Variants in CNTN4 observed in about 807,000 individuals in gnomAD.
CNTN4 encodes contactin-4.
Under a neutral mutation model 122.5 loss-of-function variants are expected in CNTN4, and 77 were observed. The ratio of observed to expected loss-of-function variants is 0.63; its 90% confidence interval spans 0.52 to 0.76. The LOEUF (loss-of-function observed/expected upper bound fraction) is 0.76, where lower values mean the gene tolerates loss of function less well. CNTN4 is among the 30% of genes least tolerant of loss of function. The probability of loss-of-function intolerance (pLI) is 0.00; values close to 1 mark genes in which losing one functional copy is unlikely to be tolerated. For missense variants in CNTN4, 1,256 were observed against 1,259.1 expected (o/e 1.00, Z 0.04); for synonymous variants, 512 against 447.0 (o/e 1.15, Z -1.83).
At chr3:2,627,729 G>A (rs754733473) in intron 4 of CNTN4, among the ~76,000 whole-genome samples, 67 of 152,082 alleles carry the variant, frequency 4.4e-4, no homozygotes, top group East Asian at 2.7e-3. Context: ...TCCTGACCTT[G>A]TGATCTGCCC....
chr3:2,101,612 G>A (rs1172164910), intron 2 of CNTN4, among the ~76,000 whole-genome samples: 2 of 152,056 alleles, frequency 1.3e-5, no homozygotes, highest in Admixed American at 1.3e-4. Context: ...CCTAGTGAAG[G>A]AGGCAAGGAG....
At chr3:2,286,235 T>TCC (rs2041897558) in intron 2 of CNTN4, among the ~76,000 whole-genome samples, 1 of 7,396 alleles carries the variant, frequency 1.4e-4, no homozygotes, top group Non-Finnish European at 5.4e-4. Context: ...ATACACCCCC[T>TCC]GCCCCCCCCA....
intron 3 of CNTN4, among the ~76,000 whole-genome samples, chr3:2,349,805 T>C (rs2044538575): frequency 6.6e-6 from 1 of 152,128 alleles, no homozygotes. Context: ...AATGGACCTA[T>C]ATAACACATT....
chr3:2,816,637 A>G (rs1187883632), intron 6 of CNTN4, among the ~76,000 whole-genome samples: 1 of 151,384 alleles, frequency 6.6e-6, no homozygotes, highest in South Asian at 2.1e-4. Context: ...CCTGGCCAAC[A>G]TGGTGAAACC....
intron 4 of CNTN4, among the ~76,000 whole-genome samples, chr3:2,628,288 G>A (rs1013357906): frequency 1.3e-5 from 2 of 152,212 alleles, no homozygotes; most frequent in Non-Finnish European, 2.9e-5. Flanking sequence ...AAGCAATTGT[G>A]AGGCAGCCAG....
At chr3:2,703,889 T>C (rs1044358575) in intron 4 of CNTN4, among the ~76,000 whole-genome samples, 1 of 151,954 alleles carries the variant, frequency 6.6e-6, no homozygotes, top group South Asian at 2.1e-4. Flanking sequence ...GATGATAGTG[T>C]AAATATAAAG....
intron 11 of CNTN4, among the ~76,000 whole-genome samples, chr3:2,902,534 A>G (rs1047764221): frequency 3.3e-5 from 5 of 152,056 alleles, no homozygotes; most frequent in Non-Finnish European, 7.4e-5. Context: ...AAACCCCCTA[A>G]CTCTGGTCAG....
In CNTN4 at chr3:2,229,910, G is replaced by A. The variant is rs561113659; in HGVS notation, c.-144-109268G>A. ...CACCTTTTCCACTATGCTGTGTTGT[G>A]TAGCGTACTCCAAATGTTTGATGAG... On this transcript the variant is annotated intron_variant, in intron 2 of 24. Coordinates refer to ENST00000418658, the MANE Select transcript of CNTN4 (RefSeq NM_175607.3). Among the ~76,000 whole-genome samples, 4 of 152,290 alleles carry A rather than the reference G, an allele frequency of 2.6e-5. No homozygotes were observed. In the East Asian group the frequency reaches 5.8e-4, roughly 22 times the overall value.
At chr3:2,756,322 G>A (rs1270270465) in intron 6 of CNTN4, among the ~76,000 whole-genome samples, 1 of 152,162 alleles carries the variant, frequency 6.6e-6, no homozygotes, top group East Asian at 1.9e-4. Flanking sequence ...CCTTGTAAAT[G>A]GGATCAGTGC....
chr3:2,891,920 C>T (rs2094045926), intron 10 of CNTN4, among the ~76,000 whole-genome samples: 1 of 152,156 alleles, frequency 6.6e-6, no homozygotes, highest in Non-Finnish European at 1.5e-5. Context: ...AAAAGCCGGA[C>T]CATTGCCAAT....
At chr3:3,026,513 G>A (rs1310427612) in intron 15 of CNTN4, among the ~76,000 whole-genome samples, 1 of 152,084 alleles carries the variant, frequency 6.6e-6, no homozygotes, top group Admixed American at 6.6e-5. Flanking sequence ...TCCTGTGTAT[G>A]GATTAGAAAC....
At chr3:2,487,171 C>G (rs2076186538) in intron 3 of CNTN4, among the ~76,000 whole-genome samples, 1 of 152,058 alleles carries the variant, frequency 6.6e-6, no homozygotes, top group African/African-American at 2.4e-5. Flanking sequence ...CCATTGGTAG[C>G]CAATTTGTTG....
chr3:2,419,427 A>T lies in CNTN4; in HGVS notation c.-89+80194A>T, dbSNP rs930458454. On this transcript the variant is annotated intron_variant, in intron 3 of 24. Transcript: ENST00000418658. ...GGAGATTCTCATGTGTTCAGGATAT[A>T]TTCAACGTTTATTTGTTCCTAGGCA... Among the ~76,000 whole-genome samples the T allele has an allele frequency of 2.6e-5, 4 of 152,144 alleles. 1 individual carries two copies. The South Asian group carries it at 6.2e-4, about 24-fold the overall frequency.
At position 2,656,172 on chromosome 3, in the gene CNTN4, C is replaced by T. The variant is rs1336590095; in HGVS notation, c.56-80043C>T. 2.0e-5 allele frequency among the ~76,000 whole-genome samples: 3 copies of T among 152,098 alleles called. No homozygotes were observed. The South Asian group carries it at 6.2e-4, about 32-fold the overall frequency. ...GAGAATAATTATAAGTCAAAGTTAT[C>T]AGGAAGGAAGGACAGATGTAATCTC... On this transcript the variant is annotated intron_variant, in intron 4 of 24. Coordinates refer to ENST00000418658, the MANE Select transcript of CNTN4 (RefSeq NM_175607.3).
At chr3:2,516,109 T>TTAGACCTCTCTATTGGGAG (rs1205047941) in intron 3 of CNTN4, among the ~76,000 whole-genome samples, 2 of 152,098 alleles carry the variant, frequency 1.3e-5, no homozygotes, top group African/African-American at 4.8e-5. Flanking sequence ...TCTCTATATG[T>TTAGACCTCTCTATTGGGAG]GTCTTACTAT....
intron 3 of CNTN4, among the ~76,000 whole-genome samples, chr3:2,414,897 T>G (rs2047358394): frequency 6.6e-6 from 1 of 152,196 alleles, no homozygotes; most frequent in Non-Finnish European, 1.5e-5. Context: ...TCAGATTATT[T>G]GTACATTAAA....
intron 3 of CNTN4, among the ~76,000 whole-genome samples, chr3:2,464,453 T>C (rs1039278096): frequency 6.6e-6 from 1 of 152,122 alleles, no homozygotes; most frequent in African/African-American, 2.4e-5. Flanking sequence ...AAAGGAATGT[T>C]GAGGAAATAA....
At chr3:2,342,061 T>C (rs11707553) in intron 3 of CNTN4, among the ~76,000 whole-genome samples, 19,376 of 152,268 alleles carry the variant, frequency 0.13, 1,533 homozygotes, top group Non-Finnish European at 0.18. Flanking sequence ...GTGTCAGTGG[T>C]TGAATGGGCC....
At chr3:2,553,282 C>T (rs976660922) in intron 3 of CNTN4, among the ~76,000 whole-genome samples, 3 of 152,152 alleles carry the variant, frequency 2.0e-5, no homozygotes, top group Admixed American at 2.0e-4. Context: ...TTGTATGTTC[C>T]AACTAGCACT....
Sources: allele counts gnomAD v4.1 joint callset (sites outside exome capture counted in the v4.1 genomes callset), GRCh38; gene constraint gnomAD v4.1.1; transcripts MANE v1.5; gene names NCBI Gene and HGNC (gene_info 2026-07-23, HGNC 2026-07-21).